The following RANGAP1 variants were observed in gnomAD, a reference collection of about 807,000 sequenced individuals.
RANGAP1 encodes Ran GTPase activating protein 1.
A neutral mutation model predicts 63.5 loss-of-function variants in RANGAP1; 38 were observed. The ratio of observed to expected loss-of-function variants is 0.60; its 90% CI spans 0.46 to 0.78. RANGAP1 has a LOEUF of 0.78. RANGAP1 is among the 30% of genes least tolerant of loss of function. The probability of loss-of-function intolerance (pLI) is 0.00; values close to 1 mark genes in which losing one functional copy is unlikely to be tolerated. For missense variants in RANGAP1, 630 were observed against 740.3 expected, an observed-to-expected ratio of 0.85 and a Z score of 1.73; for synonymous variants, 329 against 310.5, an observed-to-expected ratio of 1.06 and a Z score of -0.63.
In RANGAP1 at chr22:41,281,661, C is replaced by A. The variant is rs546508928; in HGVS notation, c.-38-579G>T. The A allele has an allele frequency of 1.8e-5, 18 of 986,202 alleles. No individual in the cohort carries two copies. The African/African-American group carries it at 3.0e-4, about 16-fold the overall frequency. 61.1% of individuals were successfully genotyped at this position (986,202 alleles called of 1,614,324 possible). On this transcript the variant is annotated intron_variant, in intron 1 of 15. Transcript: ENST00000356244. ...GACTGGGCAGGCCACAATGGCCCCT[C>A]AGGGGTTTCTAGATCAGAGATCGCC... is the stretch of plus-strand genomic sequence containing the variant.
chr22:41,271,346 C>A (rs2034805199), intron 3 of RANGAP1, among the ~76,000 whole-genome samples: 1 of 149,820 alleles, frequency 6.7e-6, no homozygotes, highest in African/African-American at 2.5e-5. Flanking sequence ...TATGATCATG[C>A]CACTGCACTA....
the RANGAP1 span, among the ~76,000 whole-genome samples, chr22:41,296,661 A>C: frequency 6.6e-6 from 1 of 152,044 alleles, no homozygotes; most frequent in South Asian, 2.1e-4. Flanking sequence ...AAAAAAAAAA[A>C]AACACACACA....
chr22:41,254,464 T>TTCC lies in RANGAP1; in HGVS notation c.1101_1103dup (p.Glu368dup), dbSNP rs556869373. The TTCC allele has an allele frequency of 1.4e-5, 22 of 1,604,332 alleles. No homozygotes were observed. Among genetic ancestry groups the TTCC allele is most frequent in the East Asian group, 4.5e-5 (2 of 44,832 alleles). The stretch of plus-strand genomic sequence containing the variant: ...CTGCTTCCTCTTCTTCCTCTTCTCC[T>TTCC]TCCTCCTCCTCCTCCTCGTCCTCGT... On this transcript the variant is annotated inframe_insertion, in exon 11 of 16. Transcript: ENST00000356244.
At chr22:41,278,994 T>C (rs560356281) in intron 2 of RANGAP1, among the ~76,000 whole-genome samples, 372 of 152,100 alleles carry the variant, frequency 2.4e-3, no homozygotes, top group Non-Finnish European at 4.0e-3. Flanking sequence ...TACAAAAAAA[T>C]TAGCCGGGCG....
At chr22:41,288,994 C>T (rs1446171608), upstream of RANGAP1, among the ~76,000 whole-genome samples, 1 of 145,296 alleles carries the variant, frequency 6.9e-6, no homozygotes, top group East Asian at 2.0e-4. Flanking sequence ...GCGATCTCAG[C>T]TCACTGCAAC....
rs954375890 is a variant in RANGAP1 at position 41,285,486 on chromosome 22, C to T, written c.-39+500G>A. 45 of 984,428 alleles carry T rather than the reference C, an allele frequency of 4.6e-5. No individual in the cohort carries two copies. The African/African-American group carries it at 7.0e-4, about 15-fold the overall frequency. The allele number at this position is 984,428 out of a possible 1,614,324, so 61.0% of individuals were successfully genotyped here. A position where few individuals can be genotyped will look rare whatever the true frequency, so the allele number is the denominator to read the frequency against. On this transcript the variant is annotated intron_variant, in intron 1 of 15. Coordinates refer to ENST00000356244, the MANE Select transcript of RANGAP1 (RefSeq NM_002883.4). ...ACATCCTCTCCCCGCTCCGCAGCAACGTCAGAGACTTTCTGAGGTGAGATG... is the reference window on the plus strand; with the variant it reads ...ACATCCTCTCCCCGCTCCGCAGCAATGTCAGAGACTTTCTGAGGTGAGATG...
At chr22:41,288,707 C>T (rs890134675), upstream of RANGAP1, among the ~76,000 whole-genome samples, 1 of 151,872 alleles carries the variant, frequency 6.6e-6, no homozygotes, top group Admixed American at 6.6e-5. Flanking sequence ...GTTTTCGGAA[C>T]TGGAAGGGAA....
At position 41,285,656 on chromosome 22, in the gene RANGAP1, G is replaced by A. The variant is rs552437281; in HGVS notation, c.-39+330C>T. On this transcript the variant is annotated intron_variant, in intron 1 of 15. Coordinates refer to ENST00000356244, the MANE Select transcript of RANGAP1 (RefSeq NM_002883.4). ...ACAGGCCGCAAATGATAGGCGGGCGGCGCAGGAGCCCCATCTGGAATCCCC... is the reference window on the plus strand; with the variant it reads ...ACAGGCCGCAAATGATAGGCGGGCGACGCAGGAGCCCCATCTGGAATCCCC... 9.1e-6 allele frequency: 9 copies of A among 985,446 alleles called. No homozygotes were observed. The African/African-American group carries it at 1.4e-4, about 15-fold the overall frequency. 61.0% of individuals were successfully genotyped at this position (985,446 alleles called of 1,614,324 possible).
chr22:41,251,081 AC>A lies in RANGAP1; in HGVS notation c.1408del (p.Val470SerfsTer5). 1 of 1,614,156 alleles carries A rather than the reference AC, an allele frequency of 6.2e-7. No homozygotes were observed. Among genetic ancestry groups the A allele is most frequent in the Non-Finnish European group, 8.5e-7 (1 of 1,180,032 alleles). ...AGATGACACCTTTAGGAAGGCAGAGACCACCTTCTCGGGGTCAGACGTGTCA... is the reference window on the plus strand; with the variant it reads ...AGATGACACCTTTAGGAAGGCAGAGACACCTTCTCGGGGTCAGACGTGTCA... ...QTDTSDPEKVVSAFLKVSSVF... is the reference protein window; with the variant it reads ...QTDTSDPEKVXSAFLKVSSVF... On this transcript the variant is annotated frameshift_variant, in exon 13 of 16. Transcript: ENST00000356244. LOFTEE classifies it high-confidence loss of function.
the RANGAP1 span, among the ~76,000 whole-genome samples, chr22:41,299,210 G>A: frequency 1.3e-5 from 2 of 151,768 alleles, no homozygotes; most frequent in Non-Finnish European, 2.9e-5. Flanking sequence ...TCGGCTCACT[G>A]TAACCTCTAC....
chr22:41,275,091 G>A (rs940320802), intron 2 of RANGAP1, among the ~76,000 whole-genome samples: 1 of 152,104 alleles, frequency 6.6e-6, no homozygotes, highest in Non-Finnish European at 1.5e-5. Context: ...CAGCAGGCAC[G>A]ATGGCACAAA....
chr22:41,294,030 CTCTCCT>C, the RANGAP1 span, among the ~76,000 whole-genome samples: 1 of 119,522 alleles, frequency 8.4e-6, no homozygotes, highest in Non-Finnish European at 1.8e-5. Flanking sequence ...ACTCCTCTCC[CTCTCCT>C]TCTCCCTCTC....
intron 12 of RANGAP1, among the ~76,000 whole-genome samples, chr22:41,251,794 G>C (rs2033471544): frequency 6.6e-6 from 1 of 152,110 alleles, no homozygotes; most frequent in Non-Finnish European, 1.5e-5. Flanking sequence ...TGGCTTTTAA[G>C]TGCTACATCC....
chr22:41,263,550 A>G (rs1353383792), intron 5 of RANGAP1, among the ~76,000 whole-genome samples: 1 of 152,058 alleles, frequency 6.6e-6, no homozygotes, highest in Non-Finnish European at 1.5e-5. Flanking sequence ...ACACCCAGCT[A>G]ATTTTTGTAT....
Position 41,245,086 on chromosome 22 carries a change from C to T in RANGAP1, c.*1517G>A, listed in dbSNP as rs1484923705. ...TGGCATCAGAACTTAATGCCAGCCC[C>T]ACACCCACCCCCTACCGTATCAACT... is the stretch of plus-strand genomic sequence containing the variant. On this transcript the variant is annotated 3_prime_UTR_variant, in exon 16 of 16. Transcript: ENST00000356244. Among the ~76,000 whole-genome samples, 3 of 152,234 alleles carry T rather than the reference C, an allele frequency of 2.0e-5. No individual in the cohort carries two copies. Among genetic ancestry groups the T allele is most frequent in the Admixed American group, 6.5e-5 (1 of 15,286 alleles).
At chr22:41,267,089 G>C (rs897305453) in intron 4 of RANGAP1, among the ~76,000 whole-genome samples, 4 of 151,068 alleles carry the variant, frequency 2.6e-5, no homozygotes, top group Admixed American at 6.6e-5. Flanking sequence ...ATGTTGGCCA[G>C]GCTGGACTTG....
At chr22:41,249,896 C>CAGGGGG in intron 13 of RANGAP1, 79 bp from the exon 14 acceptor site, 1 of 1,293,824 alleles carries the variant, frequency 7.7e-7, no homozygotes, top group East Asian at 2.3e-5. Flanking sequence ...TCCCCCAACA[C>CAGGGGG]CGCGCAGACA....
At chr22:41,256,496 G>A (rs1569180245) in intron 8 of RANGAP1, among the ~76,000 whole-genome samples, 1 of 152,174 alleles carries the variant, frequency 6.6e-6, no homozygotes, top group Non-Finnish European at 1.5e-5. Context: ...TAAATCACAA[G>A]ACAGTGATGT....
rs191803521 is a variant in RANGAP1, at chr22:41,254,879, G to A, written c.1074-385C>T. Among the ~76,000 whole-genome samples, 379 of 152,114 alleles carry A rather than the reference G, an allele frequency of 2.5e-3. 3 individuals are homozygous for A. The highest frequency in any genetic ancestry group is 8.7e-3 in the African/African-American group (360 of 41,486). ...CCCAGCTACTCAGGAGGCTGAGGCAGGAGAATGGCGTGAACCCTGGAGGCG... is the reference window on the plus strand; with the variant it reads ...CCCAGCTACTCAGGAGGCTGAGGCAAGAGAATGGCGTGAACCCTGGAGGCG... On this transcript the variant is annotated intron_variant, in intron 10 of 15. Transcript: ENST00000356244.
Sources: allele counts gnomAD v4.1 joint callset (sites outside exome capture counted in the v4.1 genomes callset), GRCh38; gene constraint gnomAD v4.1.1; transcripts MANE v1.5; gene names NCBI Gene and HGNC (gene_info 2026-07-23, HGNC 2026-07-21).